Variants in SUGCT observed in about 807,000 individuals in gnomAD.
The protein encoded by SUGCT is succinyl-CoA:glutarate CoA-transferase.
SUGCT carries 41 observed loss-of-function variants against 55.0 expected under a neutral mutation model. The observed-to-expected ratio is 0.74, with a 90% confidence interval of 0.58 to 0.97. The LOEUF is 0.97. SUGCT is among the 50% of genes least tolerant of loss of function. The pLI, the probability that SUGCT is intolerant of heterozygous loss-of-function variation, is 0.00. For synonymous variants in SUGCT, 187 were observed against 200.4 expected, an observed-to-expected ratio of 0.93 and a Z score of 0.56; for missense variants, 568 against 547.8, an observed-to-expected ratio of 1.04 and a Z score of -0.37.
the SUGCT span, chr7:40,964,952 AAG>A: frequency 6.6e-6 from 1 of 152,170 alleles, no homozygotes; most frequent in African/African-American, 2.4e-5. Flanking sequence ...GCCTTCACAA[AAG>A]AGTTGTCTAA....
chr7:40,247,176 T>C lies in SUGCT; in HGVS notation c.576+9450T>C, dbSNP rs145017352. Among the ~76,000 whole-genome samples the C allele has an allele frequency of 4.8e-3, 734 of 152,314 alleles. 5 individuals carry two copies. Among genetic ancestry groups the C allele is most frequent in the African/African-American group, 0.017 (698 of 41,568 alleles). ...TGTATATTTAGCTTTAGTAAGCTGCTGGTTTTCTGGAATGTTGCCAGATTA... is the reference window on the plus strand; with the variant it reads ...TGTATATTTAGCTTTAGTAAGCTGCCGGTTTTCTGGAATGTTGCCAGATTA... On this transcript the variant is annotated intron_variant, in intron 7 of 13. Transcript: ENST00000335693.
chr7:40,365,223 TA>T (rs1168690502), intron 9 of SUGCT, among the ~76,000 whole-genome samples: 1 of 152,204 alleles, frequency 6.6e-6, no homozygotes, highest in Non-Finnish European at 1.5e-5. Flanking sequence ...CTCTTCATGC[TA>T]AAAACTCTCA....
rs188619190 is a variant in SUGCT, at chr7:40,359,091, G to A, written c.816+42236G>A. 2.0e-3 allele frequency among the ~76,000 whole-genome samples: 299 copies of A among 152,294 alleles called. 12 individuals carry two copies. In the South Asian group the frequency reaches 0.059, roughly 30 times the overall value. On this transcript the variant is annotated intron_variant, in intron 9 of 13. Transcript: ENST00000335693. ...TGGGGCTGTTCCCTGGATATGGACT[G>A]TTTTATCAACTCAGAGGCATTTCTT... is the stretch of plus-strand genomic sequence containing the variant.
intron 12 of SUGCT, among the ~76,000 whole-genome samples, chr7:40,532,589 C>T (rs536118658): frequency 4.0e-5 from 6 of 149,716 alleles, no homozygotes; most frequent in Non-Finnish European, 8.9e-5. Flanking sequence ...GTTTGTGGAT[C>T]GCCTTGGATT....
At chr7:40,474,407 C>G (rs527372023) in intron 11 of SUGCT, among the ~76,000 whole-genome samples, 1 of 152,204 alleles carries the variant, frequency 6.6e-6, no homozygotes, top group African/African-American at 2.4e-5. Flanking sequence ...ACTGTGTGTA[C>G]ATACTTTGGA....
the SUGCT span, among the ~76,000 whole-genome samples, chr7:41,012,640 G>T: frequency 6.6e-6 from 1 of 152,056 alleles, no homozygotes. Flanking sequence ...GGATCCAAGT[G>T]CCTCATTTAT....
chr7:40,459,164 A>G lies in SUGCT; in HGVS notation c.952A>G (p.Asn318Asp). Residue 318 changes from asparagine to aspartate, a missense_variant, in exon 11 of 14, where the codon AAT becomes GAT. Asn to Asp is a conservative substitution (Grantham distance 23). Transcript: ENST00000335693. ...TAAAACTAACCACCTTCGGGTACAC[A>G]ATAGAAAAGAGCTTATTAAAATATT... ...KYKTNHLRVH[N>D]RKELIKILSE... The G allele has an allele frequency of 6.2e-7, 1 of 1,610,306 alleles. No homozygotes were observed.
rs1786663744 is a variant in SUGCT, at chr7:40,411,214, G to A, written c.817-38073G>A. Among the ~76,000 whole-genome samples the A allele has an allele frequency of 2.0e-5, 3 of 152,228 alleles. No homozygotes were observed. In the South Asian group the frequency reaches 6.2e-4, roughly 32 times the overall value. On this transcript the variant is annotated intron_variant, in intron 9 of 13. Transcript: ENST00000335693. ...TCAAGACCAACCTGGCCAACATGGT[G>A]AAACCCCATCCCTACTAAAAATCCA...
Position 40,770,181 on chromosome 7 carries a change from C to T in SUGCT, c.1153+20684C>T, listed in dbSNP as rs1241690386. On this transcript the variant is annotated intron_variant, in intron 13 of 13. Coordinates refer to ENST00000335693, the MANE Select transcript of SUGCT (RefSeq NM_001193313.2). ...TCTGTTATTTTGCATGTATTGTTTC[C>T]TCTGTGGTGAGTGGCTTTTATATTA... is the stretch of plus-strand genomic sequence containing the variant. 3.9e-5 allele frequency among the ~76,000 whole-genome samples: 6 copies of T among 152,108 alleles called. No homozygotes were observed. The South Asian group carries it at 6.2e-4, about 16-fold the overall frequency.
chr7:40,530,329 A>G (rs1160217018), intron 12 of SUGCT, among the ~76,000 whole-genome samples: 1 of 152,230 alleles, frequency 6.6e-6, no homozygotes, highest in Non-Finnish European at 1.5e-5. Context: ...GTTATTCTAA[A>G]CATAATATAT....
rs1265041329 is a variant in SUGCT, at chr7:40,540,116, A to C, written c.1089+43730A>C. The stretch of plus-strand genomic sequence containing the variant: ...ACAGAAACTACAGTTCAATTTTGCA[A>C]GGAAAATCTTCCACTTACTCATTTA... On this transcript the variant is annotated intron_variant, in intron 12 of 13. Transcript: ENST00000335693. 2.0e-5 allele frequency among the ~76,000 whole-genome samples: 3 copies of C among 152,234 alleles called. No individual in the cohort carries two copies. The East Asian group carries it at 5.8e-4, about 29-fold the overall frequency.
intron 6 of SUGCT, 113 bp from the exon 7 acceptor site, chr7:40,237,521 TA>T: frequency 1.2e-6 from 1 of 808,700 alleles, no homozygotes; most frequent in Non-Finnish European, 2.1e-6. Context: ...ATAGATCTAA[TA>T]GTCTCGAAAT....
At chr7:40,156,562 C>T (rs1359215690) in intron 1 of SUGCT, among the ~76,000 whole-genome samples, 2 of 152,130 alleles carry the variant, frequency 1.3e-5, no homozygotes, top group African/African-American at 2.4e-5. Flanking sequence ...ATTGGAGTCC[C>T]AGAGCCCTGC....
chr7:40,608,042 A>C (rs1441674835), intron 12 of SUGCT, among the ~76,000 whole-genome samples: 2 of 152,192 alleles, frequency 1.3e-5, no homozygotes, highest in African/African-American at 4.8e-5. Context: ...AGTTTCTGAT[A>C]TTCTGCATTA....
chr7:40,833,690 G>A (rs1055887691), intron 13 of SUGCT, among the ~76,000 whole-genome samples: 1 of 152,180 alleles, frequency 6.6e-6, no homozygotes, highest in Non-Finnish European at 1.5e-5. Context: ...ATCAGGTGCT[G>A]CAAATTTTCC....
the SUGCT span, among the ~76,000 whole-genome samples, chr7:40,898,467 C>T: frequency 5.0e-5 from 2 of 39,998 alleles, no homozygotes; most frequent in Non-Finnish European, 1.2e-4. Context: ...GTAATCCCAG[C>T]ACTCCGGGAG....
intron 12 of SUGCT, among the ~76,000 whole-genome samples, chr7:40,673,721 A>G (rs1448743996): frequency 6.6e-6 from 1 of 152,226 alleles, no homozygotes; most frequent in African/African-American, 2.4e-5. Context: ...CTTAATAAAT[A>G]TGAGGGGACT....
At chr7:40,269,314 TTTTATTTA>T (rs367961179) in intron 7 of SUGCT, among the ~76,000 whole-genome samples, 2 of 151,742 alleles carry the variant, frequency 1.3e-5, no homozygotes, top group East Asian at 3.9e-4. Context: ...TAATTTTTTA[TTTTATTTA>T]TTTATTTATT....
chr7:40,979,430 C>G, the SUGCT span: 1 of 152,256 alleles, frequency 6.6e-6, no homozygotes, highest in Non-Finnish European at 1.5e-5. Flanking sequence ...CTGGCTCTTA[C>G]CAGACAACAG....
Sources: allele counts gnomAD v4.1 joint callset (sites outside exome capture counted in the v4.1 genomes callset), GRCh38; gene constraint gnomAD v4.1.1; transcripts MANE v1.5; gene names NCBI Gene and HGNC (gene_info 2026-07-23, HGNC 2026-07-21).